SGCZ: variants seen among roughly 807,000 people sequenced by gnomAD.
SGCZ encodes zeta-sarcoglycan.
In SGCZ, 40 loss-of-function variants were observed where a neutral mutation model predicts 41.3. That is an observed-to-expected ratio of 0.97 (90% CI 0.75 to 1.26). The LOEUF (loss-of-function observed/expected upper bound fraction) is 1.26. Among genes scored for constraint, SGCZ ranks in the 50% most tolerant of loss-of-function variants. The probability of loss-of-function intolerance (pLI) is 0.00; values close to 1 mark genes in which losing one functional copy is unlikely to be tolerated. For synonymous variants in SGCZ, 206 were observed against 137.5 expected (o/e 1.50, Z -3.49); for missense variants, 552 against 369.8 (o/e 1.49, Z -4.04).
intron 3 of SGCZ, among the ~76,000 whole-genome samples, chr8:14,275,893 T>A (rs867432938): frequency 1.3e-5 from 2 of 152,164 alleles, no homozygotes; most frequent in African/African-American, 4.8e-5. Context: ...AGGGTAAACA[T>A]AGTATCCTTT....
intron 3 of SGCZ, among the ~76,000 whole-genome samples, chr8:14,239,281 A>G (rs567037669): frequency 8.6e-6 from 1 of 116,152 alleles, no homozygotes; most frequent in Admixed American, 8.9e-5. Flanking sequence ...ACACACACAC[A>G]CACAAATTCT....
intron 5 of SGCZ, among the ~76,000 whole-genome samples, chr8:14,151,829 G>A (rs575213758): frequency 6.6e-6 from 1 of 152,052 alleles, no homozygotes; most frequent in African/African-American, 2.4e-5. Flanking sequence ...CTTTTGACAA[G>A]TGTGTAAAAA....
chr8:14,660,398 C>T (rs144675462), intron 1 of SGCZ, among the ~76,000 whole-genome samples: 1 of 151,610 alleles, frequency 6.6e-6, no homozygotes, highest in African/African-American at 2.4e-5. Context: ...ATGGTGAAAC[C>T]TCATCTCTAC....
chr8:15,169,146 G>A (rs1429311461), intron 1 of SGCZ, among the ~76,000 whole-genome samples: 1 of 152,192 alleles, frequency 6.6e-6, no homozygotes, highest in East Asian at 1.9e-4. Context: ...CTCTAAGGAA[G>A]CTCTGACTGC....
intron 2 of SGCZ, among the ~76,000 whole-genome samples, chr8:14,326,111 C>CAAAAAGAAAAAAAA (rs1802101514): frequency 2.6e-5 from 1 of 37,904 alleles, no homozygotes; most frequent in African/African-American, 1.0e-4. Flanking sequence ...GACTCCGTCT[C>CAAAAAGAAAAAAAA]AAAAAAAAAA....
chr8:14,705,477 G>T (rs985660715), intron 1 of SGCZ, among the ~76,000 whole-genome samples: 17 of 151,904 alleles, frequency 1.1e-4, no homozygotes, highest in Admixed American at 3.3e-4. Flanking sequence ...TAAAATGCCT[G>T]CCATATAAGA....
chr8:14,922,548 G>T (rs886539434), intron 1 of SGCZ, among the ~76,000 whole-genome samples: 2 of 151,714 alleles, frequency 1.3e-5, no homozygotes, highest in South Asian at 4.2e-4. Flanking sequence ...TCTGCCTCCC[G>T]GGTTCAAGCT....
intron 1 of SGCZ, among the ~76,000 whole-genome samples, chr8:15,063,372 A>C (rs1805009687): frequency 6.6e-6 from 1 of 152,138 alleles, no homozygotes; most frequent in African/African-American, 2.4e-5. Context: ...TAGCTTTTAA[A>C]AAGGTGGTCT....
intron 2 of SGCZ, among the ~76,000 whole-genome samples, chr8:14,482,278 C>T (rs956696726): frequency 2.0e-5 from 3 of 152,172 alleles, no homozygotes; most frequent in African/African-American, 7.2e-5. Flanking sequence ...CTCAAGACTG[C>T]GTAAACCTGT....
chr8:14,761,677 C>T (rs750788331), intron 1 of SGCZ, among the ~76,000 whole-genome samples: 29 of 151,810 alleles, frequency 1.9e-4, no homozygotes, highest in African/African-American at 5.8e-4. Flanking sequence ...CGGTATGCGC[C>T]GCCACACCTG....
chr8:14,101,060 A>G (rs1802005043), intron 7 of SGCZ, among the ~76,000 whole-genome samples: 1 of 152,182 alleles, frequency 6.6e-6, no homozygotes, highest in African/African-American at 2.4e-5. Context: ...ATGAGCATTT[A>G]AAATAACTAA....
intron 2 of SGCZ, among the ~76,000 whole-genome samples, chr8:14,373,363 T>C (rs1803981162): frequency 6.6e-6 from 1 of 152,212 alleles, no homozygotes; most frequent in East Asian, 1.9e-4. Flanking sequence ...CCAACTTGGA[T>C]ATATAATTCT....
intron 1 of SGCZ, among the ~76,000 whole-genome samples, chr8:14,774,664 C>A (rs1644615948): frequency 1.3e-5 from 2 of 152,306 alleles, no homozygotes; most frequent in South Asian, 4.1e-4. Flanking sequence ...TGTTTTGGAT[C>A]ACCCTAGCTT....
intron 1 of SGCZ, among the ~76,000 whole-genome samples, chr8:15,111,491 T>C (rs1031600447): frequency 6.6e-6 from 1 of 152,030 alleles, no homozygotes; most frequent in African/African-American, 2.4e-5. Flanking sequence ...ATTTAGGGGG[T>C]AGCCAATAGG....
At chr8:14,305,333 C>A (rs1801316593) in intron 3 of SGCZ, among the ~76,000 whole-genome samples, 1 of 152,026 alleles carries the variant, frequency 6.6e-6, no homozygotes, top group Non-Finnish European at 1.5e-5. Context: ...CCACAGCGTG[C>A]AATATTTCTA....
chr8:14,382,960 A>C (rs184893054), intron 2 of SGCZ, among the ~76,000 whole-genome samples: 1 of 152,288 alleles, frequency 6.6e-6, no homozygotes, highest in African/African-American at 2.4e-5. Context: ...TCTCTCCCGC[A>C]AAAAGCTGCT....
chr8:14,285,140 G>C (rs572238230), intron 3 of SGCZ, among the ~76,000 whole-genome samples: 1 of 152,140 alleles, frequency 6.6e-6, no homozygotes, highest in South Asian at 2.1e-4. Context: ...GTTTCATTCA[G>C]TTCCTTGGTC....
intron 2 of SGCZ, among the ~76,000 whole-genome samples, chr8:14,368,742 T>A (rs931625219): frequency 6.6e-6 from 1 of 152,078 alleles, no homozygotes. Context: ...TTCTGTCTTC[T>A]GAGCACTGTG....
intron 1 of SGCZ, among the ~76,000 whole-genome samples, chr8:15,092,657 C>T (rs1265901209): frequency 6.6e-6 from 1 of 152,104 alleles, no homozygotes; most frequent in Non-Finnish European, 1.5e-5. Context: ...CCTTGGTGAT[C>T]TTCTTAATAT....
Sources: gnomAD v4.1 joint callset for allele counts (sites outside exome capture counted in the v4.1 genomes callset) on GRCh38, gnomAD v4.1.1 for gene constraint, MANE v1.5 for transcripts, NCBI Gene and HGNC (gene_info 2026-07-23, HGNC 2026-07-21) for gene names.